RNF150: variants seen among roughly 807,000 people sequenced by gnomAD.
The protein encoded by RNF150 is ring finger protein 150.
In RNF150, 24 loss-of-function variants were observed where a neutral mutation model predicts 39.3. The observed-to-expected ratio is 0.61, with a 90% CI of 0.44 to 0.86. The LOEUF is 0.86. Among genes scored for constraint, RNF150 ranks in the 40% least tolerant of loss-of-function variants. The pLI, the probability that RNF150 is intolerant of heterozygous loss-of-function variation, is 0.00. For synonymous variants in RNF150, 255 were observed against 227.3 expected (o/e 1.12, Z -1.10); for missense variants, 502 against 587.8 (o/e 0.85, Z 1.51).
intron 1 of RNF150, among the ~76,000 whole-genome samples, chr4:140,973,738 A>G (rs1265765691): frequency 6.6e-6 from 1 of 151,802 alleles, no homozygotes; most frequent in Non-Finnish European, 1.5e-5. Context: ...TTAGACGGGG[A>G]TGGTGGCGTG....
intron 1 of RNF150, among the ~76,000 whole-genome samples, chr4:141,147,890 T>C (rs1188527758): frequency 6.6e-6 from 1 of 152,156 alleles, no homozygotes; most frequent in Non-Finnish European, 1.5e-5. Context: ...AATCATCTAC[T>C]CAGAAATATG....
intron 1 of RNF150, among the ~76,000 whole-genome samples, chr4:141,155,146 C>G (rs571492590): frequency 4.4e-4 from 67 of 152,106 alleles, no homozygotes; most frequent in African/African-American, 1.5e-3. Flanking sequence ...AGTGCAGTGG[C>G]GCGATCTTGG....
At chr4:140,986,613 C>A (rs944038450) in intron 1 of RNF150, among the ~76,000 whole-genome samples, 17 of 152,064 alleles carry the variant, frequency 1.1e-4, no homozygotes, top group East Asian at 9.7e-4. Flanking sequence ...TTTTCTACTG[C>A]CATCCTGTCA....
intron 6 of RNF150, among the ~76,000 whole-genome samples, chr4:140,878,347 T>G (rs1376405826): frequency 6.6e-6 from 1 of 151,992 alleles, no homozygotes; most frequent in African/African-American, 2.4e-5. Context: ...ATTTTTGTAC[T>G]TGTAGTAGAG....
At chr4:141,097,426 G>T (rs1416582924) in intron 1 of RNF150, among the ~76,000 whole-genome samples, 1 of 152,114 alleles carries the variant, frequency 6.6e-6, no homozygotes, top group Non-Finnish European at 1.5e-5. Context: ...TCTAAATACA[G>T]AAAATAGCTT....
intron 1 of RNF150, among the ~76,000 whole-genome samples, chr4:140,974,061 CA>C (rs971852743): frequency 2.6e-5 from 4 of 151,780 alleles, no homozygotes; most frequent in Non-Finnish European, 4.4e-5. Context: ...TTTGCATGTA[CA>C]AAATTTTAAA....
chr4:141,063,141 T>C (rs1737304099), intron 1 of RNF150, among the ~76,000 whole-genome samples: 1 of 152,240 alleles, frequency 6.6e-6, no homozygotes, highest in Admixed American at 6.5e-5. Flanking sequence ...ATAATATTTG[T>C]TGTTTAAAGA....
intron 1 of RNF150, among the ~76,000 whole-genome samples, chr4:141,124,050 A>T (rs2111092847): frequency 1.3e-5 from 2 of 152,310 alleles, no homozygotes; most frequent in Middle Eastern, 3.4e-3. Flanking sequence ...ATTACCCTTC[A>T]GCTCCTGCTT....
intron 6 of RNF150, among the ~76,000 whole-genome samples, chr4:140,894,326 G>T (rs1332019858): frequency 6.6e-6 from 1 of 152,166 alleles, no homozygotes; most frequent in Admixed American, 6.5e-5. Flanking sequence ...TTCTGATGAG[G>T]TCTTCTAGGT....
chr4:141,082,510 C>T (rs990395814), intron 1 of RNF150, among the ~76,000 whole-genome samples: 1 of 152,348 alleles, frequency 6.6e-6, no homozygotes. Context: ...CTAATCCTGC[C>T]TTTCTACCTC....
intron 1 of RNF150, among the ~76,000 whole-genome samples, chr4:141,042,795 G>T (rs1391528459): frequency 6.6e-6 from 1 of 151,964 alleles, no homozygotes; most frequent in African/African-American, 2.4e-5. Context: ...CATGTGTTCT[G>T]GGGATGGGGT....
At chr4:140,986,750 A>G (rs73858673) in intron 1 of RNF150, among the ~76,000 whole-genome samples, 2,242 of 152,132 alleles carry the variant, frequency 0.015, 47 homozygotes, top group African/African-American at 0.044. Flanking sequence ...GCCAAGTAGT[A>G]TATTACAATT....
At chr4:141,014,395 T>G (rs183271252) in intron 1 of RNF150, among the ~76,000 whole-genome samples, 1 of 152,308 alleles carries the variant, frequency 6.6e-6, no homozygotes, top group East Asian at 1.9e-4. Flanking sequence ...GGTTATAGTT[T>G]TAGTTTTTTG....
rs112740092 is a variant in RNF150 at position 141,202,207 on chromosome 4, G to A, written c.-6+10587C>T. Reference sequence around the variant, plus strand: ...AATTATTTTTTATTTGTTTGTTTCCGTCTCAGAATCCAAGGAAAAATCTTA... The same window carrying A: ...AATTATTTTTTATTTGTTTGTTTCCATCTCAGAATCCAAGGAAAAATCTTA... On this transcript the variant is annotated intron_variant, in intron 1 of 7. Transcript: ENST00000420921. Among the ~76,000 whole-genome samples the A allele has an allele frequency of 2.0e-3, 308 of 152,108 alleles. 2 individuals carry two copies. Among genetic ancestry groups the A allele is most frequent in the African/African-American group, 6.6e-3 (272 of 41,506 alleles).
chr4:140,913,262 GAAAAC>G (rs776506401), intron 5 of RNF150, among the ~76,000 whole-genome samples: 6 of 152,038 alleles, frequency 3.9e-5, no homozygotes, highest in Non-Finnish European at 5.9e-5. Flanking sequence ...TCTGTCTCAA[GAAAAC>G]AAAACAAAAC....
intron 1 of RNF150, among the ~76,000 whole-genome samples, chr4:141,109,861 A>G (rs1036030468): frequency 1.3e-5 from 2 of 152,224 alleles, no homozygotes; most frequent in Non-Finnish European, 2.9e-5. Context: ...AGTAAAGTGA[A>G]TCCTGTATTT....
Position 141,075,100 on chromosome 4 carries a change from G to A in RNF150, c.484+57225C>T, listed in dbSNP as rs1224896407. On this transcript the variant is annotated intron_variant, in intron 1 of 6. Transcript: ENST00000515673. ...TCTGAGGAACTGAATACAGACCAAA[G>A]TCACCCAACTAAGGGAAGCCGGTTT... is the stretch of plus-strand genomic sequence containing the variant. Among the ~76,000 whole-genome samples the A allele has an allele frequency of 2.6e-5, 4 of 152,354 alleles. No homozygotes were observed. The South Asian group carries it at 6.2e-4, about 24-fold the overall frequency.
intron 5 of RNF150, among the ~76,000 whole-genome samples, chr4:140,916,950 T>C (rs1730859472): frequency 6.6e-6 from 1 of 152,122 alleles, no homozygotes; most frequent in African/African-American, 2.4e-5. Context: ...CTAAGCTTCA[T>C]AAGTGAAGGA....
chr4:140,977,990 G>T (rs547776775), intron 1 of RNF150, among the ~76,000 whole-genome samples: 1 of 152,140 alleles, frequency 6.6e-6, no homozygotes. Flanking sequence ...TGAAGATGGG[G>T]AGTGTGCTGT....
Sources: gnomAD v4.1 joint callset for allele counts (sites outside exome capture counted in the v4.1 genomes callset) on GRCh38, gnomAD v4.1.1 for gene constraint, MANE v1.5 for transcripts, NCBI Gene and HGNC (gene_info 2026-07-23, HGNC 2026-07-21) for gene names.